Variants in VPS13A observed in about 807,000 individuals in gnomAD.
The protein encoded by VPS13A is vacuolar protein sorting 13 homolog A, also known as intermembrane lipid transfer protein VPS13A.
In VPS13A, 264 loss-of-function variants were observed where a neutral mutation model predicts 390.9. The ratio of observed to expected loss-of-function variants is 0.68; its 90% CI spans 0.61 to 0.75. The LOEUF is 0.75. Ranked by LOEUF, VPS13A falls within the 30% of genes least tolerant of loss-of-function variation. The pLI, the probability that VPS13A is intolerant of heterozygous loss-of-function variation, is 0.00. For synonymous variants in VPS13A, 1,231 were observed against 1,227.1 expected (o/e 1.00, Z -0.07); for missense variants, 3,409 against 3,733.9 (o/e 0.91, Z 2.27).
intron 67 of VPS13A, among the ~76,000 whole-genome samples, chr9:77,376,750 A>G (rs1833101589): frequency 6.6e-6 from 1 of 152,186 alleles, no homozygotes; most frequent in African/African-American, 2.4e-5. Flanking sequence ...GGTCCAAGCT[A>G]GAGGTAAAAA....
intron 58 of VPS13A, 124 bp downstream of exon 58, chr9:77,359,526 C>G (rs1036954928): frequency 1.1e-5 from 10 of 949,746 alleles, no homozygotes; most frequent in African/African-American, 1.7e-5. Flanking sequence ...TTATAAACGT[C>G]AAATAAAAAA....
intron 34 of VPS13A, among the ~76,000 whole-genome samples, chr9:77,306,464 G>A (rs189360239): frequency 9.1e-5 from 13 of 143,416 alleles, no homozygotes; most frequent in Middle Eastern, 7.2e-3. Flanking sequence ...AGAGGGAAAA[G>A]GGAGAGACTT....
At chr9:77,312,768 T>G (rs1440284419) in intron 35 of VPS13A, among the ~76,000 whole-genome samples, 1 of 152,188 alleles carries the variant, frequency 6.6e-6, no homozygotes, top group African/African-American at 2.4e-5. Flanking sequence ...TGAGATAAGT[T>G]GTAGAAGACT....
chr9:77,282,311 T>A (rs777750205), intron 29 of VPS13A, 37 bp downstream of exon 29: 11 of 1,581,976 alleles, frequency 7.0e-6, no homozygotes, highest in Non-Finnish European at 9.5e-6. Flanking sequence ...ACTTTTTTTT[T>A]TTTTAACCAT....
intron 68 of VPS13A, among the ~76,000 whole-genome samples, chr9:77,383,756 G>C (rs568914583): frequency 6.6e-6 from 1 of 151,864 alleles, no homozygotes; most frequent in Non-Finnish European, 1.5e-5. Context: ...ATTTTTAATA[G>C]GTCAGTCTCA....
intron 19 of VPS13A, among the ~76,000 whole-genome samples, chr9:77,242,130 A>C (rs1298002238): frequency 6.6e-6 from 1 of 152,166 alleles, no homozygotes; most frequent in Admixed American, 6.5e-5. Context: ...TTGAACTCAG[A>C]ATTTGTCCCA....
chr9:77,292,618 T>C (rs1338648933), intron 31 of VPS13A, among the ~76,000 whole-genome samples: 2 of 152,088 alleles, frequency 1.3e-5, no homozygotes, highest in Non-Finnish European at 2.9e-5. Context: ...GATTCTTTGT[T>C]CTGTAGTTGT....
chr9:77,183,231 G>A (rs983779698), intron 1 of VPS13A, among the ~76,000 whole-genome samples: 4 of 152,130 alleles, frequency 2.6e-5, no homozygotes, highest in African/African-American at 9.7e-5. Flanking sequence ...TAATTAACAT[G>A]CAGTAAAATA....
chr9:77,403,791 T>C (rs1640169782), intron 69 of VPS13A, among the ~76,000 whole-genome samples: 1 of 152,056 alleles, frequency 6.6e-6, no homozygotes, highest in South Asian at 2.1e-4. Context: ...CATGTAAAAA[T>C]ACACAGGGGC....
chr9:77,199,476 T>G, intron 1 of VPS13A, among the ~76,000 whole-genome samples: 1 of 152,252 alleles, frequency 6.6e-6, no homozygotes, highest in East Asian at 1.9e-4. Flanking sequence ...CCTATAGTTC[T>G]TAGACATTCT....
intron 17 of VPS13A, among the ~76,000 whole-genome samples, chr9:77,230,536 A>G (rs1374599723): frequency 6.6e-6 from 1 of 152,078 alleles, no homozygotes; most frequent in Non-Finnish European, 1.5e-5. Flanking sequence ...TTATAAGTTG[A>G]TCATAAATGT....
At position 77,366,737 on chromosome 9, in the gene VPS13A, G is replaced by A. The variant is rs1832452969; in HGVS notation, c.8336G>A (p.Ser2779Asn). The A allele has an allele frequency of 6.2e-7, 1 of 1,611,636 alleles. No individual in the cohort carries two copies. The highest frequency in any genetic ancestry group is 1.1e-5 in the South Asian group (1 of 90,812). ...FHISPIKLHL[S>N]VSLSSGREEA... The stretch of plus-strand genomic sequence containing the variant: ...TCTTTATCTTTTTAGTTACATTTAA[G>A]TGTTTCACTGAGTTCCGGCAGAGAA... The change falls in exon 61 of 72, where the codon AGT becomes AAT. Residue 2779 changes from serine to asparagine, a missense_variant. By Grantham distance (46) the Ser-to-Asn change is conservative. Transcript: ENST00000360280.
At chr9:77,206,596 A>G (rs1825655186) in intron 5 of VPS13A, among the ~76,000 whole-genome samples, 1 of 152,034 alleles carries the variant, frequency 6.6e-6, no homozygotes, top group African/African-American at 2.4e-5. Context: ...CTTTTTCATT[A>G]TTGGAAGCGG....
At position 77,403,187 on chromosome 9, in the gene VPS13A, G is replaced by T. The variant is rs765370280; in HGVS notation, c.9190-49G>T. On this transcript the variant is annotated intron_variant, in intron 68 of 71. Coordinates refer to ENST00000360280, the MANE Select transcript of VPS13A (RefSeq NM_033305.3). ...ACTATAAGGCATTGTTTGCATTACA[G>T]TAGGAAATACTATCAATTTTCTCAT... 6.5e-6 allele frequency: 9 copies of T among 1,383,720 alleles called. No individual in the cohort carries two copies. In the Admixed American group the frequency reaches 1.4e-4, roughly 21 times the overall value. The allele number at this position is 1,383,720 out of a possible 1,614,324, so 85.7% of individuals were successfully genotyped here.
intron 52 of VPS13A, 48 bp downstream of exon 52, chr9:77,345,190 G>C: frequency 6.3e-7 from 1 of 1,588,264 alleles, no homozygotes; most frequent in Non-Finnish European, 8.6e-7. Context: ...AAGTCTAGAT[G>C]ATGAGGCACA....
chr9:77,314,250 T>A, intron 36 of VPS13A, 131 bp downstream of exon 36: 2 of 1,035,488 alleles, frequency 1.9e-6, no homozygotes, highest in Non-Finnish European at 2.8e-6. Context: ...AATGATCTTT[T>A]TACTTTAATA....
At chr9:77,236,473 AGTT>A (rs751889540) in intron 17 of VPS13A, among the ~76,000 whole-genome samples, 27 of 152,286 alleles carry the variant, frequency 1.8e-4, no homozygotes, top group East Asian at 5.8e-4. Flanking sequence ...CTCCATGGTT[AGTT>A]GTTGTTGATT....
intron 68 of VPS13A, among the ~76,000 whole-genome samples, chr9:77,400,626 G>C (rs1415642161): frequency 6.6e-6 from 1 of 151,544 alleles, no homozygotes; most frequent in Non-Finnish European, 1.5e-5. Context: ...AGGAGATCAA[G>C]ATCCTGGCTA....
chr9:77,236,819 C>G (rs1300582864), intron 17 of VPS13A, among the ~76,000 whole-genome samples: 1 of 152,132 alleles, frequency 6.6e-6, no homozygotes, highest in African/African-American at 2.4e-5. Context: ...TTTTCTGTAA[C>G]GTGGTGTGGG....
Sources: allele counts gnomAD v4.1 joint callset (sites outside exome capture counted in the v4.1 genomes callset), GRCh38; gene constraint gnomAD v4.1.1; transcripts MANE v1.5; gene names NCBI Gene and HGNC (gene_info 2026-07-23, HGNC 2026-07-21).